The following MECOM variants were observed in gnomAD, a reference collection of about 807,000 sequenced individuals.
MECOM encodes the protein histone-lysine N-methyltransferase MECOM.
In MECOM, 13 loss-of-function variants were observed where a neutral mutation model predicts 116.3. The observed-to-expected ratio is 0.11, with a 90% CI of 0.07 to 0.18. The LOEUF (loss-of-function observed/expected upper bound fraction) is 0.18, where lower values mean the gene tolerates loss of function less well. Among genes scored for constraint, MECOM ranks in the 10% least tolerant of loss-of-function variants. The pLI is 1.00. For synonymous variants in MECOM, 528 were observed against 535.2 expected (o/e 0.99, Z 0.19); for missense variants, 1,299 against 1,509.0 (o/e 0.86, Z 2.31).
In MECOM at chr3:169,353,976, T is replaced by C. The variant is rs184615504; in HGVS notation, c.375+27211A>G. On this transcript the variant is annotated intron_variant, in intron 2 of 16. Coordinates refer to ENST00000651503, the MANE Select transcript of MECOM (RefSeq NM_004991.4). Reference sequence around the variant, plus strand: ...CTTAAGTAAATCAAAGAATATTTATTCAGTCCCTCCATAGCTAACCAGTAG... The same window carrying C: ...CTTAAGTAAATCAAAGAATATTTATCCAGTCCCTCCATAGCTAACCAGTAG... Among the ~76,000 whole-genome samples the C allele has an allele frequency of 1.2e-3, 190 of 152,032 alleles. 1 individual carries two copies. The highest frequency in any genetic ancestry group is 4.5e-3 in the African/African-American group (186 of 41,546).
rs571018860 is a variant in MECOM, at chr3:169,170,218, C to T, written c.376-26386G>A. Among the ~76,000 whole-genome samples the T allele has an allele frequency of 3.9e-5, 6 of 152,036 alleles. No individual in the cohort carries two copies. In the East Asian group the frequency reaches 1.2e-3, roughly 29 times the overall value. On this transcript the variant is annotated intron_variant, in intron 2 of 16. Coordinates refer to ENST00000651503, the MANE Select transcript of MECOM (RefSeq NM_004991.4). ...ACGAGGTCAAGAGATCGAGACCATC[C>T]TGGCCAACATGGTGAAACCCCATCT...
At chr3:169,097,817 T>TAAAAAGAAAAAAAAA (rs1722143355) in intron 12 of MECOM, among the ~76,000 whole-genome samples, 1 of 87,194 alleles carries the variant, frequency 1.1e-5, no homozygotes, top group Non-Finnish European at 2.2e-5. Flanking sequence ...ACTGTCTATA[T>TAAAAAGAAAAAAAAA]AAAAAAAAAA....
At chr3:169,502,530 C>T (rs1319130348) in intron 1 of MECOM, among the ~76,000 whole-genome samples, 2 of 152,106 alleles carry the variant, frequency 1.3e-5, no homozygotes, top group African/African-American at 4.8e-5. Flanking sequence ...CCCCTAAAAA[C>T]ACCCTTTTAC....
chr3:169,356,232 A>T (rs1193017224), intron 2 of MECOM, among the ~76,000 whole-genome samples: 2 of 151,898 alleles, frequency 1.3e-5, no homozygotes, highest in Non-Finnish European at 2.9e-5. Flanking sequence ...ACTGTGAGAT[A>T]CTTTGAGATT....
At chr3:169,267,072 T>C (rs776794337) in intron 2 of MECOM, among the ~76,000 whole-genome samples, 1 of 152,224 alleles carries the variant, frequency 6.6e-6, no homozygotes, top group Non-Finnish European at 1.5e-5. Context: ...GTTCTTTAGC[T>C]TTCTCTTGCT....
At chr3:169,153,507 ACCT>A (rs1741480301) in intron 2 of MECOM, among the ~76,000 whole-genome samples, 2 of 152,032 alleles carry the variant, frequency 1.3e-5, no homozygotes, top group Non-Finnish European at 2.9e-5. Flanking sequence ...TTTGGAAAAA[ACCT>A]CAACTCTATA....
intron 2 of MECOM, among the ~76,000 whole-genome samples, chr3:169,264,518 ACTAT>A (rs1308340399): frequency 6.6e-6 from 1 of 152,178 alleles, no homozygotes; most frequent in Admixed American, 6.5e-5. Context: ...CATTTCTGAG[ACTAT>A]CTAGTCCATA....
intron 12 of MECOM, among the ~76,000 whole-genome samples, chr3:169,098,107 C>G (rs1722318601): frequency 6.6e-6 from 1 of 152,042 alleles, no homozygotes; most frequent in Non-Finnish European, 1.5e-5. Flanking sequence ...CCCATATACC[C>G]TTCACCTCAG....
chr3:169,179,804 T>C lies in MECOM; in HGVS notation c.376-35972A>G, dbSNP rs76562880. Among the ~76,000 whole-genome samples, 1,447 of 152,298 alleles carry C rather than the reference T, an allele frequency of 9.5e-3. 28 individuals carry two copies. Among genetic ancestry groups the C allele is most frequent in the African/African-American group, 0.033 (1,378 of 41,558 alleles). ...TTCAGCTCGTTAAAAGGACATATTA[T>C]ATTTCCTTCAGTCCAGCAGCCGGTC... On this transcript the variant is annotated intron_variant, in intron 2 of 16. Transcript: ENST00000651503.
intron 1 of MECOM, among the ~76,000 whole-genome samples, chr3:169,440,918 T>C (rs936486749): frequency 2.6e-5 from 4 of 152,182 alleles, no homozygotes; most frequent in Non-Finnish European, 4.4e-5. Context: ...GCCAGGATCA[T>C]TGAGAAAATT....
intron 1 of MECOM, among the ~76,000 whole-genome samples, chr3:169,414,246 A>T (rs1738140736): frequency 6.6e-6 from 1 of 152,236 alleles, no homozygotes; most frequent in Non-Finnish European, 1.5e-5. Context: ...CCAGGCAAAC[A>T]GGGTCTGAAG....
chr3:169,621,564 C>G (rs974486213), intron 1 of MECOM, among the ~76,000 whole-genome samples: 2 of 152,174 alleles, frequency 1.3e-5, no homozygotes, highest in African/African-American at 4.8e-5. Context: ...CAAGACCAGC[C>G]TGGCCAACAT....
chr3:169,570,108 AAG>A (rs1476530091), intron 1 of MECOM, among the ~76,000 whole-genome samples: 3 of 152,228 alleles, frequency 2.0e-5, no homozygotes, highest in African/African-American at 2.4e-5. Context: ...TAAAGCAGAA[AAG>A]AGAGAAGAAT....
intron 1 of MECOM, among the ~76,000 whole-genome samples, chr3:169,618,545 T>C (rs1770299578): frequency 6.6e-6 from 1 of 151,956 alleles, no homozygotes; most frequent in African/African-American, 2.4e-5. Context: ...TAGTCCCAGC[T>C]ACTCAGGAGC....
chr3:169,519,496 A>G (rs1757098223), intron 1 of MECOM, among the ~76,000 whole-genome samples: 1 of 152,236 alleles, frequency 6.6e-6, no homozygotes, highest in Non-Finnish European at 1.5e-5. Flanking sequence ...CTACTCTTCA[A>G]TGTCAGGAAT....
rs115346614 is a variant in MECOM, at chr3:169,308,513, A to T, written c.375+72674T>A. 8.9e-3 allele frequency among the ~76,000 whole-genome samples: 1,356 copies of T among 152,322 alleles called. 18 individuals are homozygous for T. The highest frequency in any genetic ancestry group is 0.031 in the African/African-American group (1,284 of 41,578). On this transcript the variant is annotated intron_variant, in intron 2 of 16. Coordinates refer to ENST00000651503, the MANE Select transcript of MECOM (RefSeq NM_004991.4). ...ATAATAAATATTCTATCTACTGTTC[A>T]AAAATAAAGGGCAAATAAGAATTAC...
intron 1 of MECOM, among the ~76,000 whole-genome samples, chr3:169,391,765 A>C (rs1048027415): frequency 6.6e-6 from 1 of 152,174 alleles, no homozygotes; most frequent in African/African-American, 2.4e-5. Flanking sequence ...TGACAACTTC[A>C]TAGACTACCA....
At chr3:169,162,602 C>G (rs967171454) in intron 2 of MECOM, among the ~76,000 whole-genome samples, 1 of 152,230 alleles carries the variant, frequency 6.6e-6, no homozygotes, top group Non-Finnish European at 1.5e-5. Flanking sequence ...CATTTAACTG[C>G]TTTGCAAAAA....
chr3:169,301,552 T>A (rs1716720208), intron 2 of MECOM, among the ~76,000 whole-genome samples: 1 of 152,206 alleles, frequency 6.6e-6, no homozygotes, highest in Non-Finnish European at 1.5e-5. Context: ...ATGATGTGAA[T>A]GAGACCCTGA....
Sources: allele counts gnomAD v4.1 joint callset (sites outside exome capture counted in the v4.1 genomes callset), GRCh38; gene constraint gnomAD v4.1.1; transcripts MANE v1.5; gene names NCBI Gene and HGNC (gene_info 2026-07-23, HGNC 2026-07-21).